The following TSPAN7 variants were observed in gnomAD, a reference collection of about 807,000 sequenced individuals.
The protein encoded by TSPAN7 is tetraspanin 7.
In TSPAN7, 1 loss-of-function variant was observed where a neutral mutation model predicts 17.6. The observed-to-expected ratio is 0.06, with a 90% CI of 0.02 to 0.27. The LOEUF is 0.27. Among genes scored for constraint, TSPAN7 ranks in the 10% least tolerant of loss-of-function variants. The pLI, the probability that TSPAN7 is intolerant of heterozygous loss-of-function variation, is 1.00. For missense variants in TSPAN7, 112 were observed against 201.7 expected, an observed-to-expected ratio of 0.56 and a Z score of 2.69; for synonymous variants, 78 against 79.0, an observed-to-expected ratio of 0.99 and a Z score of 0.07.
chrX:38,622,106 G>A (rs750457663), intron 1 of TSPAN7, among the ~76,000 whole-genome samples: 3 of 112,364 alleles, frequency 2.7e-5, no homozygotes, highest in Non-Finnish European at 5.6e-5. Flanking sequence ...AAGTTGCCAC[G>A]CCTTGGCCAG....
At chrX:38,674,446 C>A (rs2069840687) in intron 4 of TSPAN7, 130 bp downstream of exon 4, 4 of 572,394 alleles carry the variant, frequency 7.0e-6, no homozygotes, top group East Asian at 7.2e-5. Context: ...GTTCCATTGC[C>A]AAGAGTTGAC....
chrX:38,632,415 A>G (rs2069556169), intron 1 of TSPAN7, among the ~76,000 whole-genome samples: 1 of 112,370 alleles, frequency 8.9e-6, no homozygotes, highest in African/African-American at 3.2e-5. Context: ...TTGAATCACT[A>G]AAATGCTAAG....
At chrX:38,630,639 T>C (rs1354455293) in intron 1 of TSPAN7, among the ~76,000 whole-genome samples, 5 of 112,400 alleles carry the variant, frequency 4.4e-5, no homozygotes, top group African/African-American at 1.6e-4. Context: ...AATGATTATG[T>C]CATGTTCACG....
chrX:38,593,509 T>G (rs7880213), intron 1 of TSPAN7, among the ~76,000 whole-genome samples: 6,367 of 111,647 alleles, frequency 0.057, 387 homozygotes, highest in African/African-American at 0.19. Flanking sequence ...ATCTGCTATG[T>G]TTTAAAAGTT....
intron 1 of TSPAN7, among the ~76,000 whole-genome samples, chrX:38,658,347 A>AT (rs369416380): frequency 0.035 from 3,509 of 99,393 alleles, 167 homozygotes; most frequent in African/African-American, 0.11. Flanking sequence ...CACCTGGCTA[A>AT]TTTTTTTTTT....
intron 1 of TSPAN7, among the ~76,000 whole-genome samples, chrX:38,569,183 T>C (rs1437356485): frequency 9.0e-6 from 1 of 110,925 alleles, no homozygotes; most frequent in East Asian, 2.8e-4. Context: ...GTTTATCAAT[T>C]GTAATTTGGG....
At chrX:38,583,427 A>G (rs1341681173) in intron 1 of TSPAN7, among the ~76,000 whole-genome samples, 1 of 112,139 alleles carries the variant, frequency 8.9e-6, no homozygotes, top group African/African-American at 3.2e-5. Flanking sequence ...AGCCTTCCTC[A>G]ATTACTCATC....
At chrX:38,663,142 ATGTGG>A (rs2069757781) in intron 1 of TSPAN7, among the ~76,000 whole-genome samples, 1 of 84,023 alleles carries the variant, frequency 1.2e-5, no homozygotes, top group Non-Finnish European at 2.2e-5. Context: ...GATAAAGAAA[ATGTGG>A]TGTATACACA....
At chrX:38,665,509 CA>C (rs2069776601) in intron 1 of TSPAN7, among the ~76,000 whole-genome samples, 1 of 112,069 alleles carries the variant, frequency 8.9e-6, no homozygotes, top group South Asian at 3.7e-4. Context: ...TTGGACTGAT[CA>C]GTGGGATTTG....
At chrX:38,655,856 A>G (rs1335714001) in intron 1 of TSPAN7, 1 of 237,159 alleles carries the variant, frequency 4.2e-6, no homozygotes, top group Non-Finnish European at 7.9e-6. Context: ...TCCTATATAT[A>G]AATTATGCAA....
At chrX:38,592,647 T>A (rs2069298313) in intron 1 of TSPAN7, among the ~76,000 whole-genome samples, 1 of 111,061 alleles carries the variant, frequency 9.0e-6, no homozygotes, top group Non-Finnish European at 1.9e-5. Flanking sequence ...CTATGAACCC[T>A]GTGATAGTAT....
At chrX:38,596,316 A>C (rs2069318428) in intron 1 of TSPAN7, among the ~76,000 whole-genome samples, 1 of 111,112 alleles carries the variant, frequency 9.0e-6, no homozygotes, top group Admixed American at 9.6e-5. Context: ...AATACTCCCA[A>C]ACCTGAGATT....
intron 1 of TSPAN7, among the ~76,000 whole-genome samples, chrX:38,616,292 C>A (rs1360024989): frequency 8.9e-6 from 1 of 112,122 alleles, no homozygotes; most frequent in East Asian, 2.8e-4. Flanking sequence ...AGAGAGTCTT[C>A]CCAGGGTTAT....
intron 1 of TSPAN7, among the ~76,000 whole-genome samples, chrX:38,612,932 G>A (rs779485739): frequency 4.5e-5 from 5 of 111,651 alleles, no homozygotes; most frequent in African/African-American, 1.6e-4. Flanking sequence ...CCATGACATG[G>A]GTTTGTTTTC....
intron 1 of TSPAN7, among the ~76,000 whole-genome samples, chrX:38,643,333 G>T (rs191487807): frequency 7.3e-5 from 8 of 110,097 alleles, no homozygotes; most frequent in Admixed American, 2.9e-4. Flanking sequence ...AGCCACAAGG[G>T]GGGGAATGTG....
intron 1 of TSPAN7, chrX:38,562,939 C>G: frequency 1.1e-6 from 1 of 943,286 alleles, no homozygotes; most frequent in Non-Finnish European, 1.4e-6. Flanking sequence ...CGCCCCTCAC[C>G]CACCACCATA....
intron 1 of TSPAN7, among the ~76,000 whole-genome samples, chrX:38,615,981 C>A (rs2069453705): frequency 9.0e-6 from 1 of 111,700 alleles, no homozygotes; most frequent in South Asian, 3.8e-4. Flanking sequence ...CTCTACCTTG[C>A]ATTCTTGGAA....
intron 1 of TSPAN7, among the ~76,000 whole-genome samples, chrX:38,632,063 A>C (rs1161396964): frequency 9.0e-6 from 1 of 111,476 alleles, no homozygotes; most frequent in Non-Finnish European, 1.9e-5. Context: ...GAGAAGACAC[A>C]TCATTTAGAG....
intron 1 of TSPAN7, among the ~76,000 whole-genome samples, chrX:38,611,019 G>C (rs1395007786): frequency 8.9e-6 from 1 of 112,049 alleles, no homozygotes. Flanking sequence ...AAATCGGTGG[G>C]TAGGGAAGGC....
Sources: gnomAD v4.1 joint callset for allele counts (sites outside exome capture counted in the v4.1 genomes callset) on GRCh38, gnomAD v4.1.1 for gene constraint, MANE v1.5 for transcripts, NCBI Gene and HGNC (gene_info 2026-07-23, HGNC 2026-07-21) for gene names.